KIRREL3: variants seen among roughly 807,000 people sequenced by gnomAD.
KIRREL3 encodes the protein kin of IRRE-like protein 3.
KIRREL3 carries 36 observed loss-of-function variants against 89.7 expected under a neutral mutation model. The observed-to-expected ratio is 0.40, with a 90% CI of 0.31 to 0.53. KIRREL3 has a LOEUF of 0.53. Among genes scored for constraint, KIRREL3 ranks in the 20% least tolerant of loss-of-function variants. KIRREL3 has a pLI of 0.49. For missense variants in KIRREL3, 864 were observed against 1,056.6 expected (o/e 0.82, Z 2.53); for synonymous variants, 445 against 441.4 (o/e 1.01, Z -0.10).
intron 1 of KIRREL3, among the ~76,000 whole-genome samples, chr11:126,758,176 G>C (rs915746548): frequency 4.6e-5 from 7 of 152,202 alleles, no homozygotes; most frequent in African/African-American, 1.7e-4. Context: ...ATGACTTTTC[G>C]ATAAAGCTGC....
chr11:126,715,410 G>T lies in KIRREL3; in HGVS notation c.56-152498C>A, dbSNP rs1372624413. On this transcript the variant is annotated intron_variant, in intron 1 of 16. Transcript: ENST00000525144. This position sits in a 1 kb window ranked among gnomAD's most constrained non-coding sequence, Gnocchi z 4.4. ...AGGGGGTCTCCAAATTAAAATGCAA[G>T]TTTTAAGTCAGTGCTCTCCTTTCCT... is the stretch of plus-strand genomic sequence containing the variant. Among the ~76,000 whole-genome samples, 27 of 152,154 alleles carry T rather than the reference G, an allele frequency of 1.8e-4. 1 individual carries two copies. The highest frequency in any genetic ancestry group is 3.8e-4 in the Non-Finnish European group (26 of 68,030).
Position 126,818,621 on chromosome 11 carries a change from AGTAGT to A in KIRREL3, c.55+181829_55+181833del, listed in dbSNP as rs1001646112. Among the ~76,000 whole-genome samples the A allele has an allele frequency of 5.2e-3, 81 of 15,720 alleles. No homozygotes were observed. The East Asian group carries it at 0.17, about 32-fold the overall frequency. The allele number at this position is 15,720 out of a possible 152,430, so 10.3% of individuals were successfully genotyped here. On this transcript the variant is annotated intron_variant, in intron 1 of 16. Coordinates refer to ENST00000525144, the MANE Select transcript of KIRREL3 (RefSeq NM_032531.4). The stretch of plus-strand genomic sequence containing the variant: ...GAAATTGTGTAGTAGTAGTAGTAGT[AGTAGT>A]GTGTGTGTGTGTGTGTGTGTGTGTG...
rs1313248477 is a variant in KIRREL3 at position 126,587,002 on chromosome 11, T to C, written c.56-24090A>G. 6.6e-6 allele frequency among the ~76,000 whole-genome samples: 1 copy of C among 152,082 alleles called. No individual in the cohort carries two copies. The highest frequency in any genetic ancestry group is 6.5e-5 in the Admixed American group (1 of 15,270). ...TTTGAACACTTACTATGGCTAAGCA[T>C]GGGGGCACAACTGTAAACCAGAGAG... On this transcript the variant is annotated intron_variant, in intron 1 of 16. Transcript: ENST00000525144. The surrounding 1 kb of genome is among the most constrained non-coding windows in gnomAD (Gnocchi z 5.2).
At chr11:126,583,787 G>A (rs1468564704) in intron 1 of KIRREL3, among the ~76,000 whole-genome samples, 4 of 152,138 alleles carry the variant, frequency 2.6e-5, no homozygotes, top group Non-Finnish European at 4.4e-5. Flanking sequence ...CTGCTGTCAC[G>A]ACCCTCGCCC....
chr11:126,671,056 G>A (rs1361995330), intron 1 of KIRREL3, among the ~76,000 whole-genome samples: 5 of 152,080 alleles, frequency 3.3e-5, no homozygotes, highest in Non-Finnish European at 4.4e-5. Context: ...TTCAACAAAT[G>A]GTGGAGGAAC....
chr11:126,846,963 G>T lies in KIRREL3; in HGVS notation c.55+153492C>A, dbSNP rs375914375. Among the ~76,000 whole-genome samples the T allele has an allele frequency of 1.0e-3, 76 of 72,474 alleles. 1 individual carries two copies. The highest frequency in any genetic ancestry group is 4.4e-3 in the African/African-American group (72 of 16,460). 47.5% of individuals were successfully genotyped at this position (72,474 alleles called of 152,430 possible). A position where few individuals can be genotyped will look rare whatever the true frequency, so the allele number is the denominator to read the frequency against. On this transcript the variant is annotated intron_variant, in intron 1 of 16. Transcript: ENST00000525144. The stretch of plus-strand genomic sequence containing the variant: ...TTAAACATTTGAATAAAAGCATAAT[G>T]AGTTTTTCTTAGAGTGAAAAGAAAA...
At chr11:126,581,360 G>A (rs1338011271) in intron 1 of KIRREL3, among the ~76,000 whole-genome samples, 3 of 152,040 alleles carry the variant, frequency 2.0e-5, no homozygotes, top group East Asian at 3.9e-4. Flanking sequence ...CCGCCATCAT[G>A]CCTGGCTAAT....
At chr11:126,673,382 T>G (rs1386032025) in intron 1 of KIRREL3, among the ~76,000 whole-genome samples, 1 of 152,212 alleles carries the variant, frequency 6.6e-6, no homozygotes, top group Non-Finnish European at 1.5e-5. Flanking sequence ...GGAAAATTTA[T>G]GGATAGACCT....
intron 13 of KIRREL3, among the ~76,000 whole-genome samples, chr11:126,433,098 C>G (rs562222317): frequency 3.5e-4 from 54 of 152,308 alleles, no homozygotes; most frequent in African/African-American, 1.2e-3. Context: ...AGGCTGGTCT[C>G]AAACTCCTGA....
chr11:126,494,101 G>C (rs1443058911), intron 4 of KIRREL3, among the ~76,000 whole-genome samples: 1 of 152,172 alleles, frequency 6.6e-6, no homozygotes, highest in Non-Finnish European at 1.5e-5. Flanking sequence ...TTTAAGTAAA[G>C]ACAGGATTAG....
At position 126,906,558 on chromosome 11, in the gene KIRREL3, G is replaced by T. The variant is rs1440268700; in HGVS notation, c.55+93897C>A. Among the ~76,000 whole-genome samples the T allele has an allele frequency of 6.6e-6, 1 of 152,120 alleles. No homozygotes were observed. Among genetic ancestry groups the T allele is most frequent in the Admixed American group, 6.5e-5 (1 of 15,276 alleles). On this transcript the variant is annotated intron_variant, in intron 1 of 16. Coordinates refer to ENST00000525144, the MANE Select transcript of KIRREL3 (RefSeq NM_032531.4). The surrounding 1 kb of genome is among the most constrained non-coding windows in gnomAD (Gnocchi z 4.1). ...CAGAGAAGTGGATAGGGACCCCCCTGCCATGAAAAACAGCGTTGTTTTTTG... is the reference window on the plus strand; with the variant it reads ...CAGAGAAGTGGATAGGGACCCCCCTTCCATGAAAAACAGCGTTGTTTTTTG...
At chr11:126,540,136 T>C (rs1364848736) in intron 2 of KIRREL3, among the ~76,000 whole-genome samples, 1 of 152,200 alleles carries the variant, frequency 6.6e-6, no homozygotes, top group Non-Finnish European at 1.5e-5. Context: ...TTTTCTCTAT[T>C]GTCTGTTTCT....
intron 1 of KIRREL3, among the ~76,000 whole-genome samples, chr11:126,950,789 A>G (rs1025283733): frequency 2.6e-5 from 4 of 152,194 alleles, no homozygotes; most frequent in Non-Finnish European, 5.9e-5. Flanking sequence ...TAAGAGTCCC[A>G]TTTGCATAGA....
Position 126,970,474 on chromosome 11 carries a change from C to T in KIRREL3, c.55+29981G>A, listed in dbSNP as rs1281725203. Among the ~76,000 whole-genome samples, 1 of 152,148 alleles carries T rather than the reference C, an allele frequency of 6.6e-6. No individual in the cohort carries two copies. Among genetic ancestry groups the T allele is most frequent in the Non-Finnish European group, 1.5e-5 (1 of 68,024 alleles). On this transcript the variant is annotated intron_variant, in intron 1 of 16. Transcript: ENST00000525144. This position sits in a 1 kb window ranked among gnomAD's most constrained non-coding sequence, Gnocchi z 4.4. ...ACATTAGACAAAAAGTAACCAGTAC[C>T]ATCAATCTTTAAAACCCCTACAGTG...
intron 1 of KIRREL3, among the ~76,000 whole-genome samples, chr11:126,701,041 A>G (rs1389723112): frequency 6.6e-6 from 1 of 152,220 alleles, no homozygotes; most frequent in African/African-American, 2.4e-5. Flanking sequence ...AAGCCTGAAC[A>G]TACGTCAGTG....
chr11:126,821,790 G>T (rs1943235170), intron 1 of KIRREL3, among the ~76,000 whole-genome samples: 1 of 152,066 alleles, frequency 6.6e-6, no homozygotes, highest in Non-Finnish European at 1.5e-5. Context: ...GACGCAGGGT[G>T]CAAAAGATCC....
rs554624152 is a variant in KIRREL3 at position 126,949,576 on chromosome 11, G to A, written c.55+50879C>T. On this transcript the variant is annotated intron_variant, in intron 1 of 16. Transcript: ENST00000525144. The stretch of plus-strand genomic sequence containing the variant: ...CTCACCCTTGGAGATCAGAAGCTGA[G>A]CATCTCTCCATTCAGCCATCAACAA... Among the ~76,000 whole-genome samples the A allele has an allele frequency of 5.9e-5, 9 of 152,314 alleles. No homozygotes were observed. In the South Asian group the frequency reaches 1.9e-3, roughly 32 times the overall value.
At chr11:126,604,629 T>C (rs565695469) in intron 1 of KIRREL3, among the ~76,000 whole-genome samples, 1 of 152,310 alleles carries the variant, frequency 6.6e-6, no homozygotes, top group South Asian at 2.1e-4. Context: ...AGGTGTGTCC[T>C]GTGGGCCACA....
intron 1 of KIRREL3, among the ~76,000 whole-genome samples, chr11:126,731,931 C>T (rs1382661688): frequency 6.6e-6 from 1 of 152,216 alleles, no homozygotes; most frequent in African/African-American, 2.4e-5. Context: ...GCAGGCAGCT[C>T]TTTGAGGAAG....
Sources: allele counts gnomAD v4.1 joint callset (sites outside exome capture counted in the v4.1 genomes callset), GRCh38; gene constraint gnomAD v4.1.1; non-coding constraint Gnocchi (gnomAD v3.1); transcripts MANE v1.5; gene names NCBI Gene and HGNC (gene_info 2026-07-23, HGNC 2026-07-21).